The following VSIG2 variants were observed in gnomAD, a reference collection of about 807,000 sequenced individuals.
The protein encoded by VSIG2 is V-set and immunoglobulin domain containing 2.
Under a neutral mutation model 29.4 loss-of-function variants are expected in VSIG2, and 30 were observed. That is an observed-to-expected ratio of 1.02 (90% CI 0.76 to 1.38). VSIG2 has a LOEUF of 1.38. Among genes scored for constraint, VSIG2 ranks in the 40% most tolerant of loss-of-function variants. VSIG2 has a pLI of 0.00. For synonymous variants in VSIG2, 178 were observed against 174.2 expected (o/e 1.02, Z -0.17); for missense variants, 421 against 400.8 (o/e 1.05, Z -0.43).
In VSIG2 at chr11:124,752,205, A is replaced by G; in HGVS notation, c.-68T>C. ...GTCAAGGTCGGTCTGGGTGTCGGGC[A>G]GGGAAGGGAGCACCCAAGGGCAGCC... On this transcript the variant is annotated 5_prime_UTR_variant, in exon 1 of 7. Transcript: ENST00000326621. 2 of 1,471,068 alleles carry G rather than the reference A, an allele frequency of 1.4e-6. No individual in the cohort carries two copies. Among genetic ancestry groups the G allele is most frequent in the Non-Finnish European group, 1.8e-6 (2 of 1,112,032 alleles). 91.1% of individuals were successfully genotyped at this position (1,471,068 alleles called of 1,614,324 possible). A position where few individuals can be genotyped will look rare whatever the true frequency, so the allele number is the denominator to read the frequency against.
intron 3 of VSIG2, among the ~76,000 whole-genome samples, chr11:124,750,179 T>C (rs1017472799): frequency 1.3e-5 from 2 of 152,354 alleles, no homozygotes; most frequent in Admixed American, 1.3e-4. Context: ...GACAGCCCTT[T>C]GGATAGTTGA....
rs759712865 is a variant in VSIG2, at chr11:124,750,888, T to TTGGA, written c.249_252dup (p.Thr85SerfsTer5). On this transcript the variant is annotated frameshift_variant, in exon 3 of 7. Transcript: ENST00000326621. LOFTEE classifies it high-confidence loss of function. The stretch of plus-strand genomic sequence containing the variant: ...CTGACCCGCTTTGACTTAGAACCAG[T>TTGGA]TGGATACAGATGGCCATTGGTGAAG... 1.9e-6 allele frequency: 3 copies of TTGGA among 1,614,012 alleles called. No individual in the cohort carries two copies. The highest frequency in any genetic ancestry group is 1.7e-6 in the Non-Finnish European group (2 of 1,179,978).
intron 1 of VSIG2, 36 bp downstream of exon 1, chr11:124,752,041 C>G (rs562231493): frequency 6.4e-7 from 1 of 1,565,198 alleles, no homozygotes; most frequent in African/African-American, 1.4e-5. Flanking sequence ...CTATGCCCCC[C>G]AGCCCTCGCC....
chr11:124,749,838 C>T lies in VSIG2; in HGVS notation c.456G>A (p.Gln152=), dbSNP rs774769800. 1 of 1,376,178 alleles carries T rather than the reference C, an allele frequency of 7.3e-7. No homozygotes were observed. Among genetic ancestry groups the T allele is most frequent in the South Asian group, 1.2e-5 (1 of 86,214 alleles). The allele number at this position is 1,376,178 out of a possible 1,614,324, so 85.2% of individuals were successfully genotyped here. Residue 152 remains glutamine (Q), a synonymous_variant, in exon 4 of 7, where the codon CAG becomes CAA. Coordinates refer to ENST00000326621, the MANE Select transcript of VSIG2 (RefSeq NM_014312.5). The part of the protein sequence containing the change: ...LVPPSNPLCS[Q]SGQTSVGGST... ...AGCCTCCCACAGAGGTTTGTCCACT[C>T]TGACTGCATAAGGGATTACTGGGGG...
chr11:124,751,096 G>T (rs1350796276), intron 2 of VSIG2, among the ~76,000 whole-genome samples, 175 bp from the exon 3 acceptor site: 17 of 151,676 alleles, frequency 1.1e-4, no homozygotes, highest in African/African-American at 4.1e-4. Flanking sequence ...CCCCCTTTCA[G>T]GTGCTAAATG....
At chr11:124,751,727 A>C in intron 1 of VSIG2, 147 bp from the exon 2 acceptor site, 3 of 963,718 alleles carry the variant, frequency 3.1e-6, no homozygotes, top group Non-Finnish European at 3.0e-6. Context: ...CCCTTCCCAA[A>C]ACCTGAGGTT....
chr11:124,749,629 A>G, intron 4 of VSIG2, 79 bp downstream of exon 4: 2 of 1,541,660 alleles, frequency 1.3e-6, no homozygotes, highest in Non-Finnish European at 1.8e-6. Context: ...CATGGAACGG[A>G]TAATACGGGT....
rs777656524 is a variant in VSIG2, at chr11:124,749,813, A to T, written c.481T>A (p.Ser161Thr). ...GAAGAGCTGCATCTCAGTGCAGTAGAGCCTCCCACAGAGGTTTGTCCACTC... is the reference window on the plus strand; with the variant it reads ...GAAGAGCTGCATCTCAGTGCAGTAGTGCCTCCCACAGAGGTTTGTCCACTC... Reference protein sequence around the residue: ...SQSGQTSVGGSTALRCSSSEG... With the variant: ...SQSGQTSVGGTTALRCSSSEG... The change falls in exon 4 of 7, where the codon TCT (serine) becomes ACT (threonine). Residue 161 changes from serine (S) to threonine (T), a missense_variant. Physicochemically the swap from Ser to Thr is moderately conservative, Grantham distance 58. Coordinates refer to ENST00000326621, the MANE Select transcript of VSIG2 (RefSeq NM_014312.5). 6.4e-7 allele frequency: 1 copy of T among 1,574,274 alleles called. No homozygotes were observed. Among genetic ancestry groups the T allele is most frequent in the Non-Finnish European group, 8.6e-7 (1 of 1,157,844 alleles).
Position 124,747,644 on chromosome 11 carries a change from A to G in VSIG2, c.875T>C (p.Ile292Thr). 1 of 1,613,756 alleles carries G rather than the reference A, an allele frequency of 6.2e-7. No individual in the cohort carries two copies. The highest frequency in any genetic ancestry group is 8.5e-7 in the Non-Finnish European group (1 of 1,179,870). ...AGCCCTCATACAAGTGTGCTCAGAG[A>G]TCCCAGGAGCGATGGCATCCTCCCT... ...DLREDAIAPG[I>T]SEHTCMRADS... Residue 292 changes from isoleucine (I) to threonine (T), a missense_variant, in exon 7 of 7, where the codon ATC becomes ACC. By Grantham distance (89) the Ile-to-Thr change is moderately conservative. Coordinates refer to ENST00000326621, the MANE Select transcript of VSIG2 (RefSeq NM_014312.5).
chr11:124,749,321 G>A (rs1591424882), intron 4 of VSIG2, among the ~76,000 whole-genome samples: 1 of 152,080 alleles, frequency 6.6e-6, no homozygotes, highest in East Asian at 1.9e-4. Flanking sequence ...CAAAGAAACT[G>A]GTTAAAAGAT....
intron 1 of VSIG2, 38 bp from the exon 2 acceptor site, chr11:124,751,618 T>G: frequency 6.5e-7 from 1 of 1,542,408 alleles, no homozygotes. Context: ...GAACCCAAAT[T>G]CCAGTGATCT....
At chr11:124,749,558 C>A (rs1565439308) in intron 4 of VSIG2, 150 bp downstream of exon 4, 5 of 1,094,952 alleles carry the variant, frequency 4.6e-6, no homozygotes, top group East Asian at 5.1e-5. Flanking sequence ...CAGGAGGGAA[C>A]AATACAGGAA....
chr11:124,749,884 A>AAAAAAAAC lies in VSIG2; in HGVS notation c.428-19_428-18insGTTTTTTT. On this transcript the variant is annotated intron_variant, in intron 3 of 6. Transcript: ENST00000326621. ...GGGGGGAACTGCAAAAAAAAAAAAAAAAAAAAAAAAACAGAAAGTTCCTCA... is the reference window on the plus strand; with the variant it reads ...GGGGGGAACTGCAAAAAAAAAAAAAAAAAAAAACAAAAAAAAAAACAGAAAGTTCCTCA... 1 of 1,460,324 alleles carries AAAAAAAAC rather than the reference A, an allele frequency of 6.8e-7. No homozygotes were observed. The highest frequency in any genetic ancestry group is 1.3e-5 in the South Asian group (1 of 79,068). The allele number at this position is 1,460,324 out of a possible 1,614,324, so 90.5% of individuals were successfully genotyped here. A position where few individuals can be genotyped will look rare whatever the true frequency, so the allele number is the denominator to read the frequency against.
In VSIG2 at chr11:124,750,810, CG is replaced by C. The variant is rs1279617035; in HGVS notation, c.330del (p.Asp110GlufsTer27). 2 of 1,613,932 alleles carry C rather than the reference CG, an allele frequency of 1.2e-6. No individual in the cohort carries two copies. Among genetic ancestry groups the C allele is most frequent in the East Asian group, 4.5e-5 (2 of 44,874 alleles). ...TVGVATLKLT[D>X]VHPSDTGTYL... is the part of the protein sequence containing the mutation. ...TAGGTTCCAGTATCTGAGGGGTGGA[CG>C]TCAGTCAGTTTCAGTGTGGCCACCC... On this transcript the variant is annotated frameshift_variant, in exon 3 of 7. Transcript: ENST00000326621. LOFTEE classifies it high-confidence loss of function.
At position 124,752,126 on chromosome 11, in the gene VSIG2, G is replaced by C. The variant is rs1400068809; in HGVS notation, c.12C>G (p.Leu4=). The C allele has an allele frequency of 1.9e-6, 3 of 1,603,358 alleles. No individual in the cohort carries two copies. The highest frequency in any genetic ancestry group is 2.7e-5 in the African/African-American group (2 of 74,890). Reference sequence around the variant, plus strand: ...GGGCCCCGCAGAGAAAGGGCCCCGGGAGCTCGGCCATGGCCGCGTCCGGCC... The same window carrying C: ...GGGCCCCGCAGAGAAAGGGCCCCGGCAGCTCGGCCATGGCCGCGTCCGGCC... The part of the protein sequence containing the change: MAE[L]PGPFLCGALL... The change falls in exon 1 of 7, where the codon CTC becomes CTG. Residue 4 remains leucine, a synonymous_variant. Transcript: ENST00000326621.
At chr11:124,748,094 T>C (rs1468385989) in intron 6 of VSIG2, 6 of 411,944 alleles carry the variant, frequency 1.5e-5, no homozygotes, top group Non-Finnish European at 2.6e-5. Context: ...GGTTAAAATA[T>C]ATGAAAATAC....
chr11:124,752,243 C>T lies in VSIG2; in HGVS notation c.-106G>A, dbSNP rs978131995. ...CCCAAGGGCAGCCGCCCGGGCTGGG[C>T]AGGAGCGAGACTGGTATCTCAGAGC... On this transcript the variant is annotated 5_prime_UTR_variant, in exon 1 of 7. Transcript: ENST00000326621. 2.2e-5 allele frequency: 27 copies of T among 1,204,134 alleles called. No homozygotes were observed. Among genetic ancestry groups the T allele is most frequent in the Admixed American group, 1.1e-4 (4 of 35,254 alleles). The allele number at this position is 1,204,134 out of a possible 1,614,324, so 74.6% of individuals were successfully genotyped here.
chr11:124,748,166 G>C (rs969208845), intron 6 of VSIG2: 11 of 536,320 alleles, frequency 2.1e-5, no homozygotes, highest in Non-Finnish European at 6.5e-6. Context: ...CCTGCAAACA[G>C]CTTCCCTGCC....
intron 1 of VSIG2, 35 bp from the exon 2 acceptor site, chr11:124,751,615 A>T: frequency 6.5e-7 from 1 of 1,545,346 alleles, no homozygotes; most frequent in Admixed American, 1.9e-5. Context: ...TGGGAACCCA[A>T]ATTCCAGTGA....
Sources: allele counts gnomAD v4.1 joint callset (sites outside exome capture counted in the v4.1 genomes callset), GRCh38; gene constraint gnomAD v4.1.1; transcripts MANE v1.5; gene names NCBI Gene and HGNC (gene_info 2026-07-23, HGNC 2026-07-21).